GRTP1: variants seen among roughly 807,000 people sequenced by gnomAD.
GRTP1 encodes the protein growth hormone-regulated TBC protein 1.
Under a neutral mutation model 38.1 loss-of-function variants are expected in GRTP1, and 56 were observed. That is an observed-to-expected ratio of 1.47 (90% CI 1.19 to 1.84). The LOEUF (loss-of-function observed/expected upper bound fraction) is 1.84. Ranked by LOEUF, GRTP1 falls within the 40% of genes most tolerant of loss-of-function variation. The probability of loss-of-function intolerance (pLI) is 0.00; values close to 1 mark genes in which losing one functional copy is unlikely to be tolerated. For missense variants in GRTP1, 506 were observed against 453.9 expected (o/e 1.11, Z -1.04); for synonymous variants, 217 against 189.5 (o/e 1.14, Z -1.19).
chr13:113,354,206 G>A (rs756471658), intron 3 of GRTP1, among the ~76,000 whole-genome samples: 3 of 152,152 alleles, frequency 2.0e-5, no homozygotes, highest in Non-Finnish European at 4.4e-5. Context: ...CTGAATCAGC[G>A]TTTCTGGCCG....
Position 113,325,833 on chromosome 13 carries a change from A to G in GRTP1, c.749T>C (p.Ile250Thr), listed in dbSNP as rs2042755924. The change falls in exon 7 of 8, where the codon ATC becomes ACC. Residue 250 changes from isoleucine to threonine, a missense_variant. Transcript: ENST00000375431. ...GCCTTCGTTAAACAAACAGTCCCAGATCCGAAGCACTGTCTGCAGAGACAT... is the reference window on the plus strand; with the variant it reads ...GCCTTCGTTAAACAAACAGTCCCAGGTCCGAAGCACTGTCTGCAGAGACAT... ...DILPVETVLR[I>T]WDCLFNEGSK... 2 of 1,613,878 alleles carry G rather than the reference A, an allele frequency of 1.2e-6. No homozygotes were observed. The highest frequency in any genetic ancestry group is 1.7e-5 in the Admixed American group (1 of 59,974).
At position 113,355,499 on chromosome 13, in the gene GRTP1, G is replaced by C; in HGVS notation, c.182-18C>G. ...GCGCTTCACTGAAGGCCGAGAGGAC[G>C]GACAGCGTGTGAGCTGGACCAGGGG... On this transcript the variant is annotated intron_variant, in intron 2 of 7. Transcript: ENST00000375431. 1 of 1,599,314 alleles carries C rather than the reference G, an allele frequency of 6.3e-7. No individual in the cohort carries two copies. The highest frequency in any genetic ancestry group is 8.5e-7 in the Non-Finnish European group (1 of 1,170,454).
intron 5 of GRTP1, among the ~76,000 whole-genome samples, chr13:113,332,354 TACACACGTGCACACGCACACCACACAC>T (rs1328052765): frequency 3.5e-4 from 40 of 115,200 alleles, no homozygotes; most frequent in East Asian, 9.7e-4. Flanking sequence ...CACACACAGG[TACACACGTGCACACGCACACCACACAC>T]GCACACGCAC....
intron 5 of GRTP1, among the ~76,000 whole-genome samples, chr13:113,334,985 G>T (rs2042934570): frequency 1.3e-5 from 2 of 151,960 alleles, no homozygotes; most frequent in Non-Finnish European, 1.5e-5. Context: ...ACCACGCCCG[G>T]CTAATTTTTT....
chr13:113,346,243 CCTCTGTGGCCGAGAGCAGAT>C lies in GRTP1; in HGVS notation c.466-1304_466-1285del, dbSNP rs2043126373. Among the ~76,000 whole-genome samples the C allele has an allele frequency of 5.9e-5, 3 of 50,728 alleles. 1 individual carries two copies. Among genetic ancestry groups the C allele is most frequent in the African/African-American group, 1.7e-4 (3 of 18,080 alleles). The allele number at this position is 50,728 out of a possible 152,430, so 33.3% of individuals were successfully genotyped here. On this transcript the variant is annotated intron_variant, in intron 4 of 7. Coordinates refer to ENST00000375431, the MANE Select transcript of GRTP1 (RefSeq NM_024719.4). ...GTGGCTGAGAACAGACCCGGGAGGA[CCTCTGTGGCCGAGAGCAGAT>C]CCGGGAGGACCTCTGTGGCTGAGCG...
chr13:113,360,631 G>A (rs1420899337), intron 2 of GRTP1, among the ~76,000 whole-genome samples: 2 of 152,150 alleles, frequency 1.3e-5, no homozygotes, highest in Non-Finnish European at 2.9e-5. Context: ...GTAGAGACAC[G>A]CGATCACTGA....
At chr13:113,352,270 T>TTTTATATATA (rs1252439063) in intron 3 of GRTP1, among the ~76,000 whole-genome samples, 27 of 33,934 alleles carry the variant, frequency 8.0e-4, no homozygotes, top group South Asian at 7.7e-3. Flanking sequence ...ATTTTTATAT[T>TTTTATATATA]TTTATATATA....
At position 113,346,169 on chromosome 13, in the gene GRTP1, T is replaced by C. The variant is rs1303969358; in HGVS notation, c.466-1210A>G. ...CCGGGAGGACCTCTGTGCCTGACAG[T>C]GGACCCGGGAGGACCTCTGTGGCTG... On this transcript the variant is annotated intron_variant, in intron 4 of 7. Transcript: ENST00000375431. Among the ~76,000 whole-genome samples the C allele has an allele frequency of 6.1e-3, 554 of 90,082 alleles. 5 individuals are homozygous for C. The highest frequency in any genetic ancestry group is 0.03 in the Admixed American group (266 of 8,798). 59.1% of individuals were successfully genotyped at this position (90,082 alleles called of 152,430 possible).
chr13:113,354,819 G>A (rs1197987580), intron 3 of GRTP1, among the ~76,000 whole-genome samples: 3 of 152,334 alleles, frequency 2.0e-5, no homozygotes, highest in Admixed American at 6.5e-5. Context: ...GAGCCACCGC[G>A]CCCGGCCTTA....
intron 5 of GRTP1, among the ~76,000 whole-genome samples, chr13:113,330,530 ACCCAGGTGTGTGCATGGGAG>A (rs1566415359): frequency 4.6e-5 from 4 of 86,970 alleles, no homozygotes; most frequent in South Asian, 4.5e-4. Context: ...GTGCATGGAA[ACCCAGGTGTGTGCATGGGAG>A]CCCAGGTGTG....
At chr13:113,338,046 T>A (rs2042977858) in intron 5 of GRTP1, among the ~76,000 whole-genome samples, 1 of 152,208 alleles carries the variant, frequency 6.6e-6, no homozygotes, top group African/African-American at 2.4e-5. Context: ...TGTAGAGCGC[T>A]AATTCAGGGC....
intron 5 of GRTP1, among the ~76,000 whole-genome samples, chr13:113,344,310 G>A (rs868003949): frequency 1.3e-5 from 2 of 152,164 alleles, no homozygotes; most frequent in East Asian, 1.9e-4. Flanking sequence ...GCTAAGAGAC[G>A]GCAAAAGGCC....
Position 113,355,459 on chromosome 13 carries a change from C to G in GRTP1, c.204G>C (p.Gly68=). The G allele has an allele frequency of 6.2e-7, 1 of 1,613,122 alleles. No homozygotes were observed. The highest frequency in any genetic ancestry group is 8.5e-7 in the Non-Finnish European group (1 of 1,179,420). ...CGCGGGCACGGTGCTCCAGCGGGAC[C>G]CCTTTCCGGACATAGCGCTTCACTG... The part of the protein sequence containing the change: ...SRTVKRYVRK[G]VPLEHRARVW... Residue 68 remains glycine (G), a synonymous_variant, in exon 3 of 8, where the codon GGG becomes GGC. Transcript: ENST00000375431.
At position 113,325,715 on chromosome 13, in the gene GRTP1, C is replaced by T. The variant is rs1595469159; in HGVS notation, c.867G>A (p.Lys289=). The change falls in exon 7 of 8, where the codon AAG becomes AAA. Residue 289 remains lysine, a synonymous_variant. Coordinates refer to ENST00000375431, the MANE Select transcript of GRTP1 (RefSeq NM_024719.4). The stretch of plus-strand genomic sequence containing the variant: ...AACTCCCTTTGGTTATCTGCTTAAA[C>T]TTATCGCAAATGTCTGGAACGCTGG... The part of the protein sequence containing the change: ...EATSVPDICD[K]FKQITKGSFV... The T allele has an allele frequency of 2.5e-6, 4 of 1,614,250 alleles. No individual in the cohort carries two copies. The East Asian group carries it at 8.9e-5, about 36-fold the overall frequency.
intron 4 of GRTP1, among the ~76,000 whole-genome samples, chr13:113,347,713 CAGACCCGGGA>C (rs2043186001): frequency 9.0e-6 from 1 of 111,086 alleles, no homozygotes; most frequent in Non-Finnish European, 1.9e-5. Context: ...TGGCAGAGAG[CAGACCCGGGA>C]GGACCTCTGT....
intron 5 of GRTP1, among the ~76,000 whole-genome samples, chr13:113,326,670 CAAAA>C (rs1438785315): frequency 1.3e-5 from 2 of 148,666 alleles, no homozygotes; most frequent in Non-Finnish European, 2.9e-5. Flanking sequence ...GACTCTGTCT[CAAAA>C]AAACAAACAA....
At chr13:113,362,309 G>A (rs981133254) in intron 2 of GRTP1, among the ~76,000 whole-genome samples, 3 of 152,082 alleles carry the variant, frequency 2.0e-5, no homozygotes, top group African/African-American at 4.8e-5. Flanking sequence ...CAGCCTGGGC[G>A]ACAGAGTGAG....
At position 113,346,549 on chromosome 13, in the gene GRTP1, A is replaced by T. The variant is rs144748359; in HGVS notation, c.466-1590T>A. On this transcript the variant is annotated intron_variant, in intron 4 of 7. Coordinates refer to ENST00000375431, the MANE Select transcript of GRTP1 (RefSeq NM_024719.4). ...GCAGACCCGGGAGGACCTCTGTGGC[A>T]AAGAGCAGACCCAGGAGGACCTCTG... Among the ~76,000 whole-genome samples, 7 of 1,078 alleles carry T rather than the reference A, an allele frequency of 6.5e-3. 2 individuals are homozygous for T. Among genetic ancestry groups the T allele is most frequent in the African/African-American group, 7.3e-3 (7 of 962 alleles). 0.7% of individuals were successfully genotyped at this position (1,078 alleles called of 152,430 possible).
At chr13:113,355,978 G>A (rs928891924) in intron 2 of GRTP1, among the ~76,000 whole-genome samples, 1 of 152,016 alleles carries the variant, frequency 6.6e-6, no homozygotes, top group African/African-American at 2.4e-5. Flanking sequence ...CATTTTGTAG[G>A]GATATTTTAA....
Sources: allele counts gnomAD v4.1 joint callset (sites outside exome capture counted in the v4.1 genomes callset), GRCh38; gene constraint gnomAD v4.1.1; transcripts MANE v1.5; gene names NCBI Gene and HGNC (gene_info 2026-07-23, HGNC 2026-07-21).